Variants in ARHGAP6 observed in about 807,000 individuals in gnomAD.
ARHGAP6 encodes rho GTPase-activating protein 6.
ARHGAP6 carries 16 observed loss-of-function variants against 55.7 expected under a neutral mutation model. The observed-to-expected ratio is 0.29, with a 90% CI of 0.19 to 0.44. ARHGAP6 has a LOEUF of 0.44. Ranked by LOEUF, ARHGAP6 falls within the 20% of genes least tolerant of loss-of-function variation. ARHGAP6 has a pLI of 1.00. For synonymous variants in ARHGAP6, 382 were observed against 360.9 expected (o/e 1.06, Z -0.66); for missense variants, 698 against 808.9 (o/e 0.86, Z 1.66).
At chrX:11,186,119 T>G in intron 5 of ARHGAP6, 117 bp downstream of exon 5, 1 of 708,321 alleles carries the variant, frequency 1.4e-6, no homozygotes. Context: ...TTTCACACAG[T>G]AAATTTCAGT....
At chrX:11,515,498 C>T (rs1287530113) in intron 1 of ARHGAP6, among the ~76,000 whole-genome samples, 1 of 106,964 alleles carries the variant, frequency 9.3e-6, no homozygotes, top group Non-Finnish European at 1.9e-5. Context: ...ATACCTCCCC[C>T]TTTTTTAACA....
intron 1 of ARHGAP6, among the ~76,000 whole-genome samples, chrX:11,463,674 C>T (rs1190880296): frequency 8.9e-6 from 1 of 111,974 alleles, no homozygotes; most frequent in Non-Finnish European, 1.9e-5. Context: ...TGCTACATTG[C>T]ACTCATGAGT....
intron 1 of ARHGAP6, among the ~76,000 whole-genome samples, chrX:11,555,627 C>T (rs1374844335): frequency 9.1e-6 from 1 of 110,368 alleles, no homozygotes; most frequent in Admixed American, 9.7e-5. Context: ...TGGTGGTGGG[C>T]CCCCAGCTAC....
intron 3 of ARHGAP6, among the ~76,000 whole-genome samples, chrX:11,189,937 A>G (rs185092763): frequency 6.6e-4 from 74 of 112,503 alleles, no homozygotes; most frequent in African/African-American, 2.3e-3. Context: ...ACTCCAAATT[A>G]GGTCTCCTAG....
intron 2 of ARHGAP6, among the ~76,000 whole-genome samples, chrX:11,201,987 A>C (rs1376661983): frequency 6.9e-5 from 2 of 28,793 alleles, no homozygotes; most frequent in African/African-American, 1.3e-4. Context: ...GAGCATCTGG[A>C]TCTGTGTGTG....
rs1052290379 is a variant in ARHGAP6 at position 11,179,227 on chromosome X, C to G, written c.1480+75G>C. The G allele has an allele frequency of 6.1e-6, 6 of 978,586 alleles. No homozygotes were observed. In the East Asian group the frequency reaches 1.0e-4, roughly 17 times the overall value. 80.6% of individuals were successfully genotyped at this position (978,586 alleles called of 1,213,427 possible). On this transcript the variant is annotated intron_variant, in intron 7 of 12. Transcript: ENST00000337414. ...ACAAAAAGTTATCAGGAAACATATGCATAAAGTTATGATGAATGAGTTGGA... is the reference window on the plus strand; with the variant it reads ...ACAAAAAGTTATCAGGAAACATATGGATAAAGTTATGATGAATGAGTTGGA...
intron 1 of ARHGAP6, among the ~76,000 whole-genome samples, chrX:11,567,159 G>A (rs1473662452): frequency 1.8e-5 from 2 of 111,701 alleles, no homozygotes; most frequent in Non-Finnish European, 3.8e-5. Flanking sequence ...CTCTAAACAT[G>A]TTAAATCATC....
intron 1 of ARHGAP6, among the ~76,000 whole-genome samples, chrX:11,520,430 C>G (rs1330776404): frequency 1.0e-4 from 11 of 106,267 alleles, no homozygotes; most frequent in African/African-American, 3.8e-4. Flanking sequence ...TTTGTCCTTG[C>G]GATAGTTTGC....
intron 2 of ARHGAP6, among the ~76,000 whole-genome samples, chrX:11,199,154 G>C (rs1158949661): frequency 8.9e-6 from 1 of 111,884 alleles, no homozygotes; most frequent in Non-Finnish European, 1.9e-5. Context: ...GGGGTTTTTG[G>C]TATGAATATA....
At chrX:11,374,456 T>C (rs2049177638) in intron 1 of ARHGAP6, among the ~76,000 whole-genome samples, 1 of 112,164 alleles carries the variant, frequency 8.9e-6, no homozygotes, top group South Asian at 3.7e-4. Context: ...AAATTTTCTA[T>C]TGGACAATGC....
At chrX:11,354,325 CTCTATATATA>C (rs1403659801) in intron 1 of ARHGAP6, among the ~76,000 whole-genome samples, 4 of 47,569 alleles carry the variant, frequency 8.4e-5, no homozygotes, top group East Asian at 7.7e-4. Context: ...CTCTCTCTCT[CTCTATATATA>C]TATATATATA....
At chrX:11,143,686 A>G (rs1569228469) in intron 11 of ARHGAP6, 1 of 1,041,348 alleles carries the variant, frequency 9.6e-7, no homozygotes, top group South Asian at 3.4e-5. Flanking sequence ...TGCTGGAGGG[A>G]AAAAGAATCA....
chrX:11,396,385 C>T (rs1360533588), intron 1 of ARHGAP6, among the ~76,000 whole-genome samples: 1 of 111,183 alleles, frequency 9.0e-6, no homozygotes, highest in Non-Finnish European at 1.9e-5. Context: ...GCCCTTCTTA[C>T]ACCCAGAAGC....
At chrX:11,511,091 G>T (rs138796507) in intron 1 of ARHGAP6, among the ~76,000 whole-genome samples, 1 of 111,409 alleles carries the variant, frequency 9.0e-6, no homozygotes, top group African/African-American at 3.3e-5. Flanking sequence ...ACAATAGAGC[G>T]GCAAATAATT....
chrX:11,604,826 G>A (rs1177187664), intron 1 of ARHGAP6, among the ~76,000 whole-genome samples: 1 of 112,207 alleles, frequency 8.9e-6, no homozygotes, highest in African/African-American at 3.2e-5. Context: ...GAGCTGTGGT[G>A]GCCCTTCAGA....
chrX:11,570,265 G>A (rs1286183423), intron 1 of ARHGAP6, among the ~76,000 whole-genome samples: 1 of 111,845 alleles, frequency 8.9e-6, no homozygotes, highest in South Asian at 3.7e-4. Context: ...CTAATCTACA[G>A]CTGAGATTTC....
At chrX:11,359,991 C>A (rs1430210698) in intron 1 of ARHGAP6, among the ~76,000 whole-genome samples, 10 of 111,486 alleles carry the variant, frequency 9.0e-5, no homozygotes, top group South Asian at 3.8e-4. Context: ...CAATAACAGG[C>A]TCTGAAATTG....
intron 1 of ARHGAP6, among the ~76,000 whole-genome samples, chrX:11,540,087 G>T (rs1458993338): frequency 1.8e-5 from 2 of 109,062 alleles, no homozygotes; most frequent in Non-Finnish European, 3.8e-5. Flanking sequence ...AACCCCGTCT[G>T]TACTAAAAAT....
intron 1 of ARHGAP6, among the ~76,000 whole-genome samples, chrX:11,315,498 G>A (rs2048350119): frequency 1.8e-5 from 2 of 111,643 alleles, no homozygotes; most frequent in African/African-American, 6.5e-5. Context: ...GCGGCCCGGG[G>A]GTCGGGAACC....
Sources: allele counts gnomAD v4.1 joint callset (sites outside exome capture counted in the v4.1 genomes callset), GRCh38; gene constraint gnomAD v4.1.1; transcripts MANE v1.5; gene names NCBI Gene and HGNC (gene_info 2026-07-23, HGNC 2026-07-21).